SLC30A3: variants seen among roughly 807,000 people sequenced by gnomAD.
SLC30A3 encodes solute carrier family 30 member 3.
In SLC30A3, 20 loss-of-function variants were observed where a neutral mutation model predicts 35.6. The observed-to-expected ratio is 0.56, with a 90% CI of 0.39 to 0.82. SLC30A3 has a LOEUF of 0.82. SLC30A3 is among the 40% of genes least tolerant of loss of function. SLC30A3 has a pLI of 0.00. For synonymous variants in SLC30A3, 217 were observed against 224.7 expected, an observed-to-expected ratio of 0.97 and a Z score of 0.31; for missense variants, 401 against 530.6, an observed-to-expected ratio of 0.76 and a Z score of 2.40.
Position 27,256,912 on chromosome 2 carries a change from C to T in SLC30A3, c.778-19G>A. The stretch of plus-strand genomic sequence containing the variant: ...ATTGAGGCTGCAGAGAAAGAGACCC[C>T]TAAGCCCAACAACCAGGGACCTTTC... On this transcript the variant is annotated intron_variant, in intron 5 of 7. Transcript: ENST00000233535. 6.4e-7 allele frequency: 1 copy of T among 1,550,690 alleles called. No homozygotes were observed.
chr2:27,270,370 G>T (rs1165254551), intron 1 of SLC30A3, among the ~76,000 whole-genome samples: 1 of 152,080 alleles, frequency 6.6e-6, no homozygotes, highest in Non-Finnish European at 1.5e-5. Context: ...CAGCATGACG[G>T]CACTGGGTAG....
In SLC30A3 at chr2:27,257,393, C is replaced by T; in HGVS notation, c.579-41G>A. ...AGCACCTCAGCCTAGGGCCCTGCTC[C>T]TGGCCTCCTATACCCCCATCTCCAT... On this transcript the variant is annotated intron_variant, in intron 4 of 7. Coordinates refer to ENST00000233535, the MANE Select transcript of SLC30A3 (RefSeq NM_003459.5). The surrounding 1 kb of genome is among the most constrained non-coding windows in gnomAD (Gnocchi z 4.7). The T allele has an allele frequency of 6.4e-7, 1 of 1,553,884 alleles. No individual in the cohort carries two copies. The highest frequency in any genetic ancestry group is 2.4e-5 in the East Asian group (1 of 41,642).
In SLC30A3 at chr2:27,262,795, G is replaced by T; in HGVS notation, c.95+17C>A. The T allele has an allele frequency of 6.4e-7, 1 of 1,551,138 alleles. No individual in the cohort carries two copies. The highest frequency in any genetic ancestry group is 8.7e-7 in the Non-Finnish European group (1 of 1,154,670). On this transcript the variant is annotated intron_variant, in intron 1 of 7. Coordinates refer to ENST00000233535, the MANE Select transcript of SLC30A3 (RefSeq NM_003459.5). The surrounding 1 kb of genome is among the most constrained non-coding windows in gnomAD (Gnocchi z 7.5). Reference sequence around the variant, plus strand: ...GGTGGCGCCCCCGGGCCGAGGGCCAGCCCAGGTCTGTCCTACCTCTTCAAA... The same window carrying T: ...GGTGGCGCCCCCGGGCCGAGGGCCATCCCAGGTCTGTCCTACCTCTTCAAA...
chr2:27,268,579 C>A (rs1332866060), intron 1 of SLC30A3, among the ~76,000 whole-genome samples: 1 of 152,132 alleles, frequency 6.6e-6, no homozygotes, highest in Non-Finnish European at 1.5e-5. Context: ...CAGTGAAACC[C>A]CGTCTCTACT....
At chr2:27,273,051 A>AT (rs57396109) in intron 1 of SLC30A3, among the ~76,000 whole-genome samples, 9,018 of 145,292 alleles carry the variant, frequency 0.062, 331 homozygotes, top group Middle Eastern at 0.1. Flanking sequence ...AAAAAAAAAA[A>AT]ATATATATAT....
In SLC30A3 at chr2:27,255,356, C is replaced by A. The variant is rs761316073; in HGVS notation, c.1123G>T (p.Glu375Ter). The change falls in exon 8 of 8, where the codon GAG (glutamate) becomes TAG (stop). Residue 375 changes from glutamate to a stop codon, truncating the protein, a stop_gained. Coordinates refer to ENST00000233535, the MANE Select transcript of SLC30A3 (RefSeq NM_003459.5). LOFTEE classifies it high-confidence loss of function. This position sits in a 1 kb window ranked among gnomAD's most constrained non-coding sequence, Gnocchi z 5.2. ...CTLQVEQYQPEMAQCLRCQEP... is the reference protein window; with the variant it reads ...CTLQVEQYQP ...TGGCAGCGCAGGCACTGGGCCATCT[C>A]CGGCTGATACTGCTCGACCTGCAGG... is the stretch of plus-strand genomic sequence containing the variant. The A allele has an allele frequency of 1.9e-6, 3 of 1,614,064 alleles. No homozygotes were observed. Among genetic ancestry groups the A allele is most frequent in the Non-Finnish European group, 2.5e-6 (3 of 1,180,036 alleles).
In SLC30A3 at chr2:27,255,131, C is replaced by T. The variant is rs1359863941; in HGVS notation, c.*181G>A. ...GACTCCCACCCCACTCCCCGCCACA[C>T]TTTGGTCTTGCCCACTGGGGCTGGG... On this transcript the variant is annotated 3_prime_UTR_variant, in exon 8 of 8. Coordinates refer to ENST00000233535, the MANE Select transcript of SLC30A3 (RefSeq NM_003459.5). This position sits in a 1 kb window ranked among gnomAD's most constrained non-coding sequence, Gnocchi z 5.2. 1.3e-6 allele frequency: 2 copies of T among 1,555,082 alleles called. No individual in the cohort carries two copies. The highest frequency in any genetic ancestry group is 1.2e-5 in the South Asian group (1 of 85,936).
Position 27,255,450 on chromosome 2 carries a change from A to T in SLC30A3, c.1029T>A (p.Ala343=). 1 of 1,613,454 alleles carries T rather than the reference A, an allele frequency of 6.2e-7. No individual in the cohort carries two copies. Among genetic ancestry groups the T allele is most frequent in the Non-Finnish European group, 8.5e-7 (1 of 1,179,876 alleles). Residue 343 remains alanine (A), a synonymous_variant, in exon 8 of 8, where the codon GCT becomes GCA. Transcript: ENST00000233535. This position sits in a 1 kb window ranked among gnomAD's most constrained non-coding sequence, Gnocchi z 5.2. ...CTTCAGCCAGGACGGCTTCAGGGTC[A>T]GCGGTGGAGTCTGTGGGAGAGTGAT... ...ASAHLAIDST[A]DPEAVLAEAS... is the part of the protein sequence containing the mutation.
chr2:27,270,443 C>T (rs1409801143), intron 1 of SLC30A3, among the ~76,000 whole-genome samples: 1 of 151,972 alleles, frequency 6.6e-6, no homozygotes, highest in Non-Finnish European at 1.5e-5. Context: ...GGAAAGACAC[C>T]AATAACAATT....
intron 1 of SLC30A3, among the ~76,000 whole-genome samples, chr2:27,272,519 A>C (rs913042725): frequency 5.3e-4 from 77 of 144,256 alleles, no homozygotes; most frequent in Admixed American, 4.9e-3. Flanking sequence ...TTTGAGACGG[A>C]GTCTCACTCT....
chr2:27,257,016 G>T lies in SLC30A3; in HGVS notation c.778-123C>A, dbSNP rs1180450360. On this transcript the variant is annotated intron_variant, in intron 5 of 7. Coordinates refer to ENST00000233535, the MANE Select transcript of SLC30A3 (RefSeq NM_003459.5). This position sits in a 1 kb window ranked among gnomAD's most constrained non-coding sequence, Gnocchi z 4.7. ...ACCCTGAAGAGGGGACAGGGAACAT[G>T]ACTCATGTCTGGGAGAGTCCTGGGA... is the stretch of plus-strand genomic sequence containing the variant. 3 of 1,129,718 alleles carry T rather than the reference G, an allele frequency of 2.7e-6. No individual in the cohort carries two copies. The highest frequency in any genetic ancestry group is 2.6e-5 in the South Asian group (2 of 78,110). 70.0% of individuals were successfully genotyped at this position (1,129,718 alleles called of 1,614,324 possible). A position where few individuals can be genotyped will look rare whatever the true frequency, so the allele number is the denominator to read the frequency against.
upstream of SLC30A3, among the ~76,000 whole-genome samples, chr2:27,267,818 C>T (rs1677554594): frequency 6.6e-6 from 1 of 151,850 alleles, no homozygotes; most frequent in Non-Finnish European, 1.5e-5. Context: ...GCCTGTAATC[C>T]CAGCTACTCT....
In SLC30A3 at chr2:27,255,575, C is replaced by T; in HGVS notation, c.1019-115G>A. ...CATTAAAGCCAGGCGTGAATGGAAG[C>T]CTGCTTTTCTTTCTGTATTGTATGA... On this transcript the variant is annotated intron_variant, in intron 7 of 7. Coordinates refer to ENST00000233535, the MANE Select transcript of SLC30A3 (RefSeq NM_003459.5). This position sits in a 1 kb window ranked among gnomAD's most constrained non-coding sequence, Gnocchi z 5.2. 8.8e-7 allele frequency: 1 copy of T among 1,140,998 alleles called. No individual in the cohort carries two copies. The highest frequency in any genetic ancestry group is 1.3e-6 in the Non-Finnish European group (1 of 793,718). 70.7% of individuals were successfully genotyped at this position (1,140,998 alleles called of 1,614,324 possible).
At chr2:27,275,367 GA>G, upstream of SLC30A3, 3 of 494,856 alleles carry the variant, frequency 6.1e-6, no homozygotes, top group Non-Finnish European at 1.0e-5. Flanking sequence ...CCCTGCGCGC[GA>G]AATAAGTCCC....
At chr2:27,269,941 C>A (rs956670151) in intron 1 of SLC30A3, among the ~76,000 whole-genome samples, 4 of 152,100 alleles carry the variant, frequency 2.6e-5, no homozygotes, top group Non-Finnish European at 5.9e-5. Flanking sequence ...GTAAGGGAAA[C>A]AGCAAATGTA....
exon 1 of SLC30A3, chr2:27,275,190 C>T (rs955199926): frequency 7.7e-7 from 1 of 1,303,968 alleles, no homozygotes; most frequent in South Asian, 1.2e-5. Context: ...TCATCCGCCA[C>T]GGTCAGCAAA....
upstream of SLC30A3, chr2:27,263,083 C>A: frequency 7.4e-7 from 1 of 1,349,096 alleles, no homozygotes. Flanking sequence ...ATCCCGCTGC[C>A]GCCGGAGCCC....
rs1676954641 is a variant in SLC30A3 at position 27,257,868 on chromosome 2, G to A, written c.578+37C>T. The A allele has an allele frequency of 6.3e-7, 1 of 1,590,164 alleles. No individual in the cohort carries two copies. The highest frequency in any genetic ancestry group is 8.6e-7 in the Non-Finnish European group (1 of 1,165,908). On this transcript the variant is annotated intron_variant, in intron 4 of 7. Coordinates refer to ENST00000233535, the MANE Select transcript of SLC30A3 (RefSeq NM_003459.5). The surrounding 1 kb of genome is among the most constrained non-coding windows in gnomAD (Gnocchi z 4.7). ...ATCCTGGAGGAAGACCCCTCGCCCT[G>A]GGCCCCACAAGGTGCCTGCTCCATA...
chr2:27,261,624 A>C (rs1312158960), intron 1 of SLC30A3, among the ~76,000 whole-genome samples: 1 of 152,142 alleles, frequency 6.6e-6, no homozygotes, highest in Admixed American at 6.5e-5. Context: ...GGGTGTGGGC[A>C]TGTGGGGTGG....
Sources: gnomAD v4.1 joint callset for allele counts (sites outside exome capture counted in the v4.1 genomes callset) on GRCh38, gnomAD v4.1.1 for gene constraint, Gnocchi (gnomAD v3.1) non-coding constraint, MANE v1.5 for transcripts, NCBI Gene and HGNC (gene_info 2026-07-23, HGNC 2026-07-21) for gene names.